The following TBC1D10B variants were observed in gnomAD, a reference collection of about 807,000 sequenced individuals.
The protein encoded by TBC1D10B is Rab27A-GAPbeta.
In TBC1D10B, 25 loss-of-function variants were observed where a neutral mutation model predicts 78.4. The ratio of observed to expected loss-of-function variants is 0.32; its 90% CI spans 0.23 to 0.45. The LOEUF (loss-of-function observed/expected upper bound fraction) is 0.45. Among genes scored for constraint, TBC1D10B ranks in the 20% least tolerant of loss-of-function variants. The pLI is 1.00. For missense variants in TBC1D10B, 996 were observed against 1,104.8 expected (o/e 0.90, Z 1.40); for synonymous variants, 517 against 478.0 (o/e 1.08, Z -1.06).
At chr16:30,359,042 C>G in intron 7 of TBC1D10B, 130 bp downstream of exon 7, 1 of 1,309,714 alleles carries the variant, frequency 7.6e-7, no homozygotes. Context: ...TCTCCAGCCC[C>G]CAGCTGCTTA....
At position 30,365,265 on chromosome 16, in the gene TBC1D10B, A is replaced by C; in HGVS notation, c.1057-53T>G. 6.5e-7 allele frequency: 1 copy of C among 1,527,178 alleles called. No individual in the cohort carries two copies. The highest frequency in any genetic ancestry group is 9.1e-7 in the Non-Finnish European group (1 of 1,104,234). 94.6% of individuals were successfully genotyped at this position (1,527,178 alleles called of 1,614,324 possible). ...GCTTCAAGGGCTGGCACAGCCTCCA[A>C]CCTTTCCCCAGCAGTCCACAAACTC... is the stretch of plus-strand genomic sequence containing the variant. On this transcript the variant is annotated intron_variant, in intron 2 of 8. Transcript: ENST00000409939. The surrounding 1 kb of genome is among the most constrained non-coding windows in gnomAD (Gnocchi z 5.0).
In TBC1D10B at chr16:30,365,892, C is replaced by G. The variant is rs1240790482; in HGVS notation, c.957-298G>C. 5.7e-6 allele frequency: 2 copies of G among 353,314 alleles called. No individual in the cohort carries two copies. Among genetic ancestry groups the G allele is most frequent in the Non-Finnish European group, 1.1e-5 (2 of 185,924 alleles). The allele number at this position is 353,314 out of a possible 1,614,324, so 21.9% of individuals were successfully genotyped here. On this transcript the variant is annotated intron_variant, in intron 1 of 8. Transcript: ENST00000409939. The surrounding 1 kb of genome is among the most constrained non-coding windows in gnomAD (Gnocchi z 5.0). ...TTTTGCATTAGATCTGGATCCACGT[C>G]CTAGCTTTACCATTTATTCATTGTG... is the stretch of plus-strand genomic sequence containing the variant.
chr16:30,358,698 G>T lies in TBC1D10B; in HGVS notation c.1762C>A (p.Gln588Lys). 6.2e-7 allele frequency: 1 copy of T among 1,610,350 alleles called. No homozygotes were observed. Among genetic ancestry groups the T allele is most frequent in the Non-Finnish European group, 8.5e-7 (1 of 1,177,470 alleles). Residue 588 changes from glutamine (Q) to lysine (K), a missense_variant, in exon 8 of 9, where the codon CAG (glutamine) becomes AAG (lysine). Around this residue, in one of 5 missense-constraint regions of TBC1D10B, gnomAD observed 168 missense variants for 238.7 expected, o/e 0.70. Transcript: ENST00000409939. ...AGGAAGTCTTCCTGCATGCACTGCT[G>T]GGGCAGGTTACGCAGCTGCTCCATG... The part of the protein sequence containing the change: ...ETMEQLRNLP[Q>K]QCMQEDFLVH...
At chr16:30,360,717 T>G (rs899361286) in intron 4 of TBC1D10B, among the ~76,000 whole-genome samples, 3 of 152,206 alleles carry the variant, frequency 2.0e-5, no homozygotes, top group African/African-American at 7.2e-5. Flanking sequence ...TTATTTTACC[T>G]AATGCATATT....
chr16:30,361,460 A>G (rs190539848), intron 4 of TBC1D10B, among the ~76,000 whole-genome samples: 5 of 151,962 alleles, frequency 3.3e-5, no homozygotes, highest in Non-Finnish European at 7.4e-5. Context: ...AGACAGTTTC[A>G]CTCTCGTTGC....
intron 4 of TBC1D10B, among the ~76,000 whole-genome samples, chr16:30,361,270 G>A (rs2049596959): frequency 1.3e-5 from 2 of 152,096 alleles, no homozygotes; most frequent in African/African-American, 2.4e-5. Flanking sequence ...TCCAGCCTGG[G>A]CGACAGTCAA....
rs111637098 is a variant in TBC1D10B, at chr16:30,359,991, C to T, written c.1272-150G>A. On this transcript the variant is annotated intron_variant, in intron 4 of 8. Transcript: ENST00000409939. ...GCGAGCTTCAGCTAAAGGCTCAGCC[C>T]ACAGCAGAGCACTCCAGGCCCCGGG... 1,156 of 690,278 alleles carry T rather than the reference C, an allele frequency of 1.7e-3. 6 individuals are homozygous for T. In the African/African-American group the frequency reaches 0.019, roughly 11 times the overall value. The allele number at this position is 690,278 out of a possible 1,614,324, so 42.8% of individuals were successfully genotyped here. A position where few individuals can be genotyped will look rare whatever the true frequency, so the allele number is the denominator to read the frequency against.
chr16:30,365,105 C>T lies in TBC1D10B; in HGVS notation c.1164G>A (p.Glu388=). ...ELLEQNPGKF[E]ELERAPGDPK... ...CCCCACACCTTGGAGCTGCACGCAC[C>T]TCAAACTTTCCTGGGTTCTGCTCCA... The change falls in exon 3 of 9, where the codon GAG becomes GAA. Residue 388 remains glutamate, a splice_region_variant and synonymous_variant. Transcript: ENST00000409939. The surrounding 1 kb of genome is among the most constrained non-coding windows in gnomAD (Gnocchi z 5.0). 1 of 1,614,014 alleles carries T rather than the reference C, an allele frequency of 6.2e-7. No homozygotes were observed. The highest frequency in any genetic ancestry group is 8.5e-7 in the Non-Finnish European group (1 of 1,179,888).
chr16:30,363,045 A>G (rs1465604827), intron 4 of TBC1D10B, among the ~76,000 whole-genome samples: 1 of 152,200 alleles, frequency 6.6e-6, no homozygotes, highest in Non-Finnish European at 1.5e-5. Flanking sequence ...TCAAAAAACA[A>G]AAATAAAAAA....
Position 30,359,206 on chromosome 16 carries a change from C to T in TBC1D10B, c.1608G>A (p.Ser536=), listed in dbSNP as rs751167331. 17 of 1,612,896 alleles carry T rather than the reference C, an allele frequency of 1.1e-5. No individual in the cohort carries two copies. The Admixed American group carries it at 1.3e-4, about 13-fold the overall frequency. Residue 536 remains serine, a synonymous_variant, in exon 7 of 9, where the codon TCG becomes TCA. Transcript: ENST00000409939. Reference sequence around the variant, plus strand: ...AAAACATGTCCCAGACACGCAGCACCGACGCCCAGGGCAGGGTGCGGGCGA... The same window carrying T: ...AAAACATGTCCCAGACACGCAGCACTGACGCCCAGGGCAGGGTGCGGGCGA... ...CIFARTLPWA[S]VLRVWDMFFC... is the part of the protein sequence containing the mutation.
chr16:30,369,084 C>T lies in TBC1D10B; in HGVS notation c.956+144G>A. The T allele has an allele frequency of 1.2e-6, 1 of 856,604 alleles. No homozygotes were observed. The highest frequency in any genetic ancestry group is 1.8e-6 in the Non-Finnish European group (1 of 566,244). 53.1% of individuals were successfully genotyped at this position (856,604 alleles called of 1,614,324 possible). A position where few individuals can be genotyped will look rare whatever the true frequency, so the allele number is the denominator to read the frequency against. ...CACAGGCACCTCAGGATGCTCAAGA[C>T]ACGGCAGCTCGCGCTGATCACCCCG... On this transcript the variant is annotated intron_variant, in intron 1 of 8. Transcript: ENST00000409939. The surrounding 1 kb of genome is among the most constrained non-coding windows in gnomAD (Gnocchi z 4.3).
Position 30,365,107 on chromosome 16 carries a change from C to G in TBC1D10B, c.1162G>C (p.Glu388Gln). 1 of 1,614,012 alleles carries G rather than the reference C, an allele frequency of 6.2e-7. No homozygotes were observed. Reference protein sequence around the residue: ...ELLEQNPGKFEELERAPGDPK... With the variant: ...ELLEQNPGKFQELERAPGDPK... ...CCACACCTTGGAGCTGCACGCACCTCAAACTTTCCTGGGTTCTGCTCCAGA... is the reference window on the plus strand; with the variant it reads ...CCACACCTTGGAGCTGCACGCACCTGAAACTTTCCTGGGTTCTGCTCCAGA... The change falls in exon 3 of 9, where the codon GAG becomes CAG. Residue 388 changes from glutamate to glutamine, a missense_variant and splice_region_variant. By Grantham distance (29) the Glu-to-Gln change is conservative. This residue lies in a region of TBC1D10B where 93 missense variants were observed against 152.7 expected (regional missense o/e 0.61). Transcript: ENST00000409939. This position sits in a 1 kb window ranked among gnomAD's most constrained non-coding sequence, Gnocchi z 5.0.
chr16:30,368,448 G>T (rs1022778121), intron 1 of TBC1D10B, among the ~76,000 whole-genome samples: 1 of 152,284 alleles, frequency 6.6e-6, no homozygotes, highest in South Asian at 2.1e-4. Flanking sequence ...ACACCTGGGG[G>T]CCCAGGAGAT....
intron 7 of TBC1D10B, 128 bp from the exon 8 acceptor site, chr16:30,358,945 T>C: frequency 7.7e-7 from 1 of 1,291,764 alleles, no homozygotes; most frequent in African/African-American, 1.5e-5. Flanking sequence ...TGAGGCCCTG[T>C]GAAAGTACAT....
Position 30,359,258 on chromosome 16 carries a change from T to C in TBC1D10B, c.1556A>G (p.Tyr519Cys), listed in dbSNP as rs1308037217. The change falls in exon 7 of 9, where the codon TAC (tyrosine) becomes TGC (cysteine). Residue 519 changes from tyrosine to cysteine, a missense_variant. This residue lies in a region of TBC1D10B where 168 missense variants were observed against 238.7 expected (regional missense o/e 0.70). Transcript: ENST00000409939. ...GATGCACATGAACCACTCCGTCATG[T>C]AGAGCACAGGGTCAATGCGCTGCCG... ...LRRQRIDPVL[Y>C]MTEWFMCIFA... The C allele has an allele frequency of 1.9e-6, 3 of 1,612,232 alleles. No individual in the cohort carries two copies. The highest frequency in any genetic ancestry group is 2.5e-6 in the Non-Finnish European group (3 of 1,179,204).
intron 5 of TBC1D10B, 59 bp from the exon 6 acceptor site, chr16:30,359,662 TC>T (rs2151100824): frequency 1.3e-6 from 2 of 1,553,574 alleles, no homozygotes; most frequent in East Asian, 2.4e-5. Flanking sequence ...AGCAGGGAGC[TC>T]CCCCATCACC....
rs2049680183 is a variant in TBC1D10B at position 30,370,341 on chromosome 16, G to A, written c.-158C>T. On this transcript the variant is annotated 5_prime_UTR_variant, in exon 1 of 9. Coordinates refer to ENST00000409939, the MANE Select transcript of TBC1D10B (RefSeq NM_015527.4). ...CGGCCGCTGGGCGCGCAGAGGCGGG[G>A]CAGGGGTCGGGGGGCGCCGCGCGCC... is the stretch of plus-strand genomic sequence containing the variant. 1 of 219,610 alleles carries A rather than the reference G, an allele frequency of 4.6e-6. No homozygotes were observed. The highest frequency in any genetic ancestry group is 8.2e-6 in the Non-Finnish European group (1 of 122,604). 13.6% of individuals were successfully genotyped at this position (219,610 alleles called of 1,614,324 possible). A position where few individuals can be genotyped will look rare whatever the true frequency, so the allele number is the denominator to read the frequency against.
At chr16:30,364,017 T>C (rs1220119364) in intron 4 of TBC1D10B, among the ~76,000 whole-genome samples, 1 of 150,632 alleles carries the variant, frequency 6.6e-6, no homozygotes, top group Non-Finnish European at 1.5e-5. Flanking sequence ...CTTGGGAGAC[T>C]GAGGCAGGAG....
In TBC1D10B at chr16:30,369,096, C is replaced by G; in HGVS notation, c.956+132G>C. On this transcript the variant is annotated intron_variant, in intron 1 of 8. Transcript: ENST00000409939. The surrounding 1 kb of genome is among the most constrained non-coding windows in gnomAD (Gnocchi z 4.3). ...AGGATGCTCAAGACACGGCAGCTCG[C>G]GCTGATCACCCCGTGGATCCTCAGA... The G allele has an allele frequency of 7.3e-6, 7 of 955,526 alleles. No homozygotes were observed. Among genetic ancestry groups the G allele is most frequent in the Non-Finnish European group, 1.1e-5 (7 of 654,880 alleles). The allele number at this position is 955,526 out of a possible 1,614,324, so 59.2% of individuals were successfully genotyped here. A position where few individuals can be genotyped will look rare whatever the true frequency, so the allele number is the denominator to read the frequency against.
Sources: allele counts gnomAD v4.1 joint callset (sites outside exome capture counted in the v4.1 genomes callset), GRCh38; gene constraint gnomAD v4.1.1; regional missense constraint gnomAD v4.1.1; non-coding constraint Gnocchi (gnomAD v3.1); transcripts MANE v1.5; gene names NCBI Gene and HGNC (gene_info 2026-07-23, HGNC 2026-07-21).